SPIDR: variants seen among roughly 807,000 people sequenced by gnomAD.
SPIDR encodes DNA repair-scaffolding protein.
SPIDR carries 93 observed loss-of-function variants against 104.6 expected under a neutral mutation model. The ratio of observed to expected loss-of-function variants is 0.89; its 90% CI spans 0.75 to 1.06. The LOEUF (loss-of-function observed/expected upper bound fraction) is 1.06. SPIDR is among the 50% of genes least tolerant of loss of function. The pLI is 0.00. For synonymous variants in SPIDR, 431 were observed against 416.9 expected (o/e 1.03, Z -0.41); for missense variants, 1,154 against 1,111.2 (o/e 1.04, Z -0.55).
intron 6 of SPIDR, among the ~76,000 whole-genome samples, chr8:47,404,475 A>C (rs1461544946): frequency 1.3e-5 from 2 of 152,256 alleles, no homozygotes; most frequent in Non-Finnish European, 2.9e-5. Context: ...AATATCCAGA[A>C]TCTATAAAGA....
intron 8 of SPIDR, among the ~76,000 whole-genome samples, chr8:47,465,938 TAATGGTA>T (rs1586174590): frequency 6.6e-6 from 1 of 152,064 alleles, no homozygotes; most frequent in Non-Finnish European, 1.5e-5. Context: ...TCACATTACA[TAATGGTA>T]AAGGGTTCAA....
intron 8 of SPIDR, among the ~76,000 whole-genome samples, chr8:47,444,588 G>A (rs1226246842): frequency 6.6e-6 from 1 of 152,168 alleles, no homozygotes; most frequent in African/African-American, 2.4e-5. Context: ...ATTTAGAATT[G>A]TTAAGGTTGC....
intron 7 of SPIDR, among the ~76,000 whole-genome samples, chr8:47,421,887 G>C (rs528616328): frequency 6.6e-6 from 1 of 152,336 alleles, no homozygotes; most frequent in African/African-American, 2.4e-5. Context: ...TCCAGACCCT[G>C]ATTGCCTGGG....
At chr8:47,342,751 G>C (rs1333728976) in intron 5 of SPIDR, among the ~76,000 whole-genome samples, 37 of 151,908 alleles carry the variant, frequency 2.4e-4, no homozygotes, top group African/African-American at 8.0e-4. Flanking sequence ...TGTACCTTTA[G>C]TGCAGATACC....
At chr8:47,687,419 C>T (rs367710805) in intron 11 of SPIDR, among the ~76,000 whole-genome samples, 3 of 152,284 alleles carry the variant, frequency 2.0e-5, no homozygotes, top group East Asian at 1.9e-4. Context: ...CCAGGATGTC[C>T]CTCTCCTGAT....
chr8:47,496,680 G>A (rs1193862079), intron 8 of SPIDR, among the ~76,000 whole-genome samples: 1 of 149,420 alleles, frequency 6.7e-6, no homozygotes, highest in Non-Finnish European at 1.5e-5. Context: ...TTTGGTGTGA[G>A]AGTAATACTA....
intron 8 of SPIDR, among the ~76,000 whole-genome samples, chr8:47,501,157 T>A (rs1324182900): frequency 1.3e-5 from 2 of 152,172 alleles, no homozygotes; most frequent in Non-Finnish European, 2.9e-5. Flanking sequence ...AACTTTAAAG[T>A]AGTTTTTTCC....
At chr8:47,348,945 C>T (rs1278469002) in intron 5 of SPIDR, among the ~76,000 whole-genome samples, 1 of 152,208 alleles carries the variant, frequency 6.6e-6, no homozygotes, top group East Asian at 1.9e-4. Flanking sequence ...CTGAAGCCTA[C>T]TTCTGTCAAC....
chr8:47,261,232 G>A (rs1288536585), intron 1 of SPIDR, among the ~76,000 whole-genome samples: 2 of 152,224 alleles, frequency 1.3e-5, no homozygotes, highest in Non-Finnish European at 2.9e-5. Flanking sequence ...TACGGAAAGC[G>A]AGGGGTGGGA....
chr8:47,626,597 C>T (rs1224058022), intron 10 of SPIDR, among the ~76,000 whole-genome samples: 1 of 152,292 alleles, frequency 6.6e-6, no homozygotes, highest in East Asian at 1.9e-4. Flanking sequence ...CAGACACTCT[C>T]AAAAGAAGAC....
At chr8:47,511,538 C>G (rs1479169088) in intron 8 of SPIDR, 2 of 781,996 alleles carry the variant, frequency 2.6e-6, no homozygotes, top group Middle Eastern at 2.3e-4. Context: ...TCGGATGGGT[C>G]TCAGTAGCTT....
At position 47,472,280 on chromosome 8, in the gene SPIDR, G is replaced by T. The variant is rs148393362; in HGVS notation, c.1097+31738G>T. The stretch of plus-strand genomic sequence containing the variant: ...CACATTGTCTCCTAGGAGAGATTGG[G>T]ATGATGGCTGTCACCCTGCAAGGTC... On this transcript the variant is annotated intron_variant, in intron 8 of 19. Transcript: ENST00000297423. 2.8e-3 allele frequency among the ~76,000 whole-genome samples: 423 copies of T among 152,320 alleles called. 2 individuals carry two copies. The highest frequency in any genetic ancestry group is 8.9e-3 in the African/African-American group (370 of 41,562).
At chr8:47,362,071 C>T (rs919761327) in intron 5 of SPIDR, among the ~76,000 whole-genome samples, 2 of 152,138 alleles carry the variant, frequency 1.3e-5, no homozygotes, top group African/African-American at 2.4e-5. Context: ...TCACAGGTGC[C>T]GAAGCTTGGC....
chr8:47,414,964 C>G (rs778484517), intron 7 of SPIDR, among the ~76,000 whole-genome samples: 1 of 152,062 alleles, frequency 6.6e-6, no homozygotes, highest in Admixed American at 6.5e-5. Flanking sequence ...AGTGCAGTGG[C>G]ACCATCTCAG....
chr8:47,410,386 G>A (rs1481172305), intron 7 of SPIDR, among the ~76,000 whole-genome samples: 2 of 151,798 alleles, frequency 1.3e-5, no homozygotes, highest in African/African-American at 4.8e-5. Context: ...TCGCCATGCT[G>A]GGCAAGCTGA....
At chr8:47,665,674 T>C (rs1207497626) in intron 10 of SPIDR, among the ~76,000 whole-genome samples, 1 of 152,244 alleles carries the variant, frequency 6.6e-6, no homozygotes, top group African/African-American at 2.4e-5. Flanking sequence ...TATCACCTGC[T>C]AAATACTGCT....
Position 47,433,502 on chromosome 8 carries a change from C to T in SPIDR, c.878-6821C>T, listed in dbSNP as rs186765024. ...CCGACCACATTTAGTCTAGGCAGAA[C>T]ATGAATGGGCTGTTCTCTAAAAAGC... On this transcript the variant is annotated intron_variant, in intron 7 of 19. Transcript: ENST00000297423. Among the ~76,000 whole-genome samples, 31 of 152,212 alleles carry T rather than the reference C, an allele frequency of 2.0e-4. 1 individual carries two copies. The highest frequency in any genetic ancestry group is 3.4e-3 in the Middle Eastern group (1 of 294).
chr8:47,333,588 C>T (rs1361244099), intron 5 of SPIDR, among the ~76,000 whole-genome samples: 1 of 152,076 alleles, frequency 6.6e-6, no homozygotes, highest in Non-Finnish European at 1.5e-5. Context: ...AGGCATGAGC[C>T]ACCACACCTG....
chr8:47,442,545 A>G (rs1255925414), intron 8 of SPIDR, among the ~76,000 whole-genome samples: 1 of 152,186 alleles, frequency 6.6e-6, no homozygotes, highest in African/African-American at 2.4e-5. Flanking sequence ...TGGAGTGCAC[A>G]GCAGCACAGG....
Sources: allele counts gnomAD v4.1 joint callset (sites outside exome capture counted in the v4.1 genomes callset), GRCh38; gene constraint gnomAD v4.1.1; transcripts MANE v1.5; gene names NCBI Gene and HGNC (gene_info 2026-07-23, HGNC 2026-07-21).